Variants in FNDC3B observed in about 807,000 individuals in gnomAD.
FNDC3B encodes the protein fibronectin type III domain-containing protein 3B.
FNDC3B carries 12 observed loss-of-function variants against 151.5 expected under a neutral mutation model. That is an observed-to-expected ratio of 0.08 (90% CI 0.05 to 0.13). The LOEUF is 0.13. Ranked by LOEUF, FNDC3B falls within the 10% of genes least tolerant of loss-of-function variation. The pLI, the probability that FNDC3B is intolerant of heterozygous loss-of-function variation, is 1.00. For missense variants in FNDC3B, 1,214 were observed against 1,505.3 expected (o/e 0.81, Z 3.20); for synonymous variants, 528 against 549.0 (o/e 0.96, Z 0.54).
chr3:172,090,308 C>T (rs1443695314), intron 1 of FNDC3B, among the ~76,000 whole-genome samples: 1 of 152,140 alleles, frequency 6.6e-6, no homozygotes, highest in Non-Finnish European at 1.5e-5. Flanking sequence ...CCTTGACAGC[C>T]ATCTCTAATT....
intron 19 of FNDC3B, 186 bp from the exon 20 acceptor site, chr3:172,346,141 A>G (rs970207184): frequency 5.1e-6 from 2 of 392,400 alleles, no homozygotes; most frequent in Admixed American, 4.3e-5. Flanking sequence ...CAGGGACTGT[A>G]TATAGGAGAA....
intron 14 of FNDC3B, 62 bp downstream of exon 14, chr3:172,333,237 T>A: frequency 1.9e-6 from 2 of 1,063,490 alleles, no homozygotes. Context: ...ATTTCACCAT[T>A]TACCATGTCA....
At chr3:172,289,612 T>C (rs1730216467) in intron 7 of FNDC3B, among the ~76,000 whole-genome samples, 2 of 152,256 alleles carry the variant, frequency 1.3e-5, no homozygotes, top group Non-Finnish European at 2.9e-5. Context: ...TGATTGTGTG[T>C]TATTTAACTT....
chr3:172,386,331 TTAATA>T (rs1294407656), intron 25 of FNDC3B, among the ~76,000 whole-genome samples: 1 of 152,202 alleles, frequency 6.6e-6, no homozygotes, highest in Non-Finnish European at 1.5e-5. Context: ...TAAGAAGTAT[TTAATA>T]TAAGCATTGA....
chr3:172,084,500 C>CACACACACACACACACAT (rs1553759317), intron 1 of FNDC3B, among the ~76,000 whole-genome samples: 9 of 151,684 alleles, frequency 5.9e-5, no homozygotes, highest in East Asian at 1.9e-4. Context: ...CACACACACA[C>CACACACACACACACACAT]GTATATTCTG....
At chr3:172,311,223 ATAAGG>A (rs1298036441) in intron 11 of FNDC3B, among the ~76,000 whole-genome samples, 1 of 152,226 alleles carries the variant, frequency 6.6e-6, no homozygotes, top group Non-Finnish European at 1.5e-5. Flanking sequence ...GATGATTTTG[ATAAGG>A]TAAAACACAC....
intron 1 of FNDC3B, among the ~76,000 whole-genome samples, chr3:172,107,226 GCC>G (rs1351768329): frequency 1.3e-5 from 2 of 152,172 alleles, no homozygotes; most frequent in Non-Finnish European, 2.9e-5. Context: ...GGTTGCGAGG[GCC>G]TGTGGTTGTT....
At chr3:172,377,680 GATGATTCTGA>G (rs1214732162) in intron 23 of FNDC3B, among the ~76,000 whole-genome samples, 3 of 152,134 alleles carry the variant, frequency 2.0e-5, no homozygotes, top group African/African-American at 7.2e-5. Context: ...GAACCTGATG[GATGATTCTGA>G]ACACAGCATT....
rs1167627679 is a variant in FNDC3B, at chr3:172,392,810, C to CTTT, written c.3304-4344_3304-4342dup. Among the ~76,000 whole-genome samples the CTTT allele has an allele frequency of 4.0e-5, 4 of 99,872 alleles. 1 individual carries two copies. In the Admixed American group the frequency reaches 4.4e-4, roughly 11 times the overall value. 65.5% of individuals were successfully genotyped at this position (99,872 alleles called of 152,430 possible). On this transcript the variant is annotated intron_variant, in intron 25 of 25. Coordinates refer to ENST00000415807, the MANE Select transcript of FNDC3B (RefSeq NM_022763.4). The stretch of plus-strand genomic sequence containing the variant: ...GAATGAATTTTTTCTTTTTTTTTTT[C>CTTT]TTTTTTTTTTTTCAGACAGAGAGTA...
At chr3:172,327,951 A>T (rs562003725) in intron 11 of FNDC3B, among the ~76,000 whole-genome samples, 1 of 152,330 alleles carries the variant, frequency 6.6e-6, no homozygotes, top group South Asian at 2.1e-4. Context: ...GATCCACTCA[A>T]TGTTAGCTTA....
At chr3:172,296,583 C>T (rs1329777831) in intron 8 of FNDC3B, among the ~76,000 whole-genome samples, 4 of 152,220 alleles carry the variant, frequency 2.6e-5, no homozygotes, top group African/African-American at 9.6e-5. Context: ...GATCACTGCC[C>T]TTCTGATAAC....
chr3:172,308,002 T>G (rs1480045602), intron 10 of FNDC3B, among the ~76,000 whole-genome samples: 1 of 152,190 alleles, frequency 6.6e-6, no homozygotes, highest in Admixed American at 6.5e-5. Flanking sequence ...ATTTGAGGAC[T>G]TTAGCAAAAA....
At chr3:172,262,067 T>A (rs997090493) in intron 6 of FNDC3B, among the ~76,000 whole-genome samples, 2 of 152,042 alleles carry the variant, frequency 1.3e-5, no homozygotes, top group African/African-American at 2.4e-5. Flanking sequence ...AATGGCACAT[T>A]GAAATAAAAG....
chr3:172,258,415 ATT>A (rs376160737), intron 6 of FNDC3B, among the ~76,000 whole-genome samples: 17 of 152,070 alleles, frequency 1.1e-4, no homozygotes, highest in African/African-American at 3.6e-4. Flanking sequence ...CCTCCCTGGC[ATT>A]TTTTCTCTTA....
intron 3 of FNDC3B, among the ~76,000 whole-genome samples, chr3:172,146,449 T>C (rs1291198307): frequency 1.3e-5 from 2 of 152,328 alleles, no homozygotes; most frequent in African/African-American, 4.8e-5. Flanking sequence ...TGTCACATTG[T>C]CTGAGCCCAG....
chr3:172,389,956 A>G (rs1735923374), intron 25 of FNDC3B, among the ~76,000 whole-genome samples: 2 of 152,078 alleles, frequency 1.3e-5, no homozygotes, highest in African/African-American at 4.8e-5. Flanking sequence ...CCTATACCAA[A>G]CTGTCTCTTG....
intron 11 of FNDC3B, among the ~76,000 whole-genome samples, chr3:172,315,856 GA>G (rs11311614): frequency 0.12 from 17,507 of 152,052 alleles, 1,058 homozygotes; most frequent in Middle Eastern, 0.19. Context: ...GAGTCAGTGA[GA>G]GGGGGAAGGC....
chr3:172,381,263 A>G (rs1735423118), intron 25 of FNDC3B, among the ~76,000 whole-genome samples, 170 bp downstream of exon 25: 1 of 152,282 alleles, frequency 6.6e-6, no homozygotes. Flanking sequence ...CCTAGTTTAC[A>G]TTTCATTTTA....
chr3:172,339,018 T>C (rs1023709519), intron 16 of FNDC3B, among the ~76,000 whole-genome samples: 28 of 151,792 alleles, frequency 1.8e-4, no homozygotes, highest in Non-Finnish European at 3.8e-4. Flanking sequence ...ATTACAGGTG[T>C]GAGCCACCGC....
Sources: gnomAD v4.1 joint callset for allele counts (sites outside exome capture counted in the v4.1 genomes callset) on GRCh38, gnomAD v4.1.1 for gene constraint, MANE v1.5 for transcripts, NCBI Gene and HGNC (gene_info 2026-07-23, HGNC 2026-07-21) for gene names.